The following MEF2A variants were observed in gnomAD, a reference collection of about 807,000 sequenced individuals.
MEF2A encodes the protein myocyte-specific enhancer factor 2A.
A neutral mutation model predicts 55.8 loss-of-function variants in MEF2A; 28 were observed. The ratio of observed to expected loss-of-function variants is 0.50; its 90% CI spans 0.37 to 0.69. The LOEUF (loss-of-function observed/expected upper bound fraction) is 0.69. MEF2A is among the 30% of genes least tolerant of loss of function. The pLI is 0.00. For missense variants in MEF2A, 528 were observed against 626.2 expected, an observed-to-expected ratio of 0.84 and a Z score of 1.67; for synonymous variants, 239 against 227.1, an observed-to-expected ratio of 1.05 and a Z score of -0.47.
intron 2 of MEF2A, among the ~76,000 whole-genome samples, chr15:99,626,159 G>C (rs549818637): frequency 3.3e-5 from 5 of 151,788 alleles, no homozygotes; most frequent in African/African-American, 1.2e-4. Context: ...GCTCTTTTTT[G>C]TTTCTTTGCA....
intron 2 of MEF2A, among the ~76,000 whole-genome samples, chr15:99,628,963 AT>A (rs71149483): frequency 0.22 from 29,175 of 133,606 alleles, 2,925 homozygotes; most frequent in South Asian, 0.31. Context: ...TTTCAGAAGG[AT>A]TTTTTTTTTT....
chr15:99,571,028 T>C (rs1962016240), intron 1 of MEF2A, among the ~76,000 whole-genome samples: 1 of 151,720 alleles, frequency 6.6e-6, no homozygotes, highest in African/African-American at 2.4e-5. Context: ...CCACTAAAAA[T>C]ACAAAAATTA....
At chr15:99,574,758 A>G (rs987457222) in intron 1 of MEF2A, among the ~76,000 whole-genome samples, 7 of 152,200 alleles carry the variant, frequency 4.6e-5, no homozygotes, top group African/African-American at 1.7e-4. Flanking sequence ...GTGTGGCCCC[A>G]TTCCTAACAG....
chr15:99,616,880 C>A (rs1020901172), intron 2 of MEF2A, among the ~76,000 whole-genome samples: 6 of 152,126 alleles, frequency 3.9e-5, no homozygotes, highest in African/African-American at 1.4e-4. Flanking sequence ...GCTAGCAGAA[C>A]CTGTCTGAAA....
At chr15:99,698,430 G>T (rs2056840850) in intron 8 of MEF2A, among the ~76,000 whole-genome samples, 1 of 152,162 alleles carries the variant, frequency 6.6e-6, no homozygotes, top group African/African-American at 2.4e-5. Context: ...AATATTATCA[G>T]GCTTAGGGAA....
intron 2 of MEF2A, among the ~76,000 whole-genome samples, chr15:99,620,008 T>C (rs570327290): frequency 5.3e-5 from 8 of 152,266 alleles, no homozygotes; most frequent in Admixed American, 1.3e-4. Context: ...ATGTTTTTCT[T>C]CTTAACCTTA....
chr15:99,697,499 A>G (rs964241868), intron 8 of MEF2A, among the ~76,000 whole-genome samples: 2 of 152,128 alleles, frequency 1.3e-5, no homozygotes, highest in Non-Finnish European at 2.9e-5. Flanking sequence ...AAGGAAGGAA[A>G]AGAAACATCT....
intron 2 of MEF2A, among the ~76,000 whole-genome samples, chr15:99,618,509 T>C (rs368854990): frequency 6.6e-6 from 1 of 152,230 alleles, no homozygotes; most frequent in Non-Finnish European, 1.5e-5. Context: ...GGCAATGTTA[T>C]ATTTATTGAA....
intron 10 of MEF2A, among the ~76,000 whole-genome samples, chr15:99,707,923 A>G (rs928873935): frequency 6.8e-6 from 1 of 147,750 alleles, no homozygotes; most frequent in African/African-American, 2.6e-5. Context: ...AGAATCAACA[A>G]TAAAAGGTTT....
chr15:99,691,197 CAG>C (rs1287043461), intron 8 of MEF2A, among the ~76,000 whole-genome samples: 5 of 144,846 alleles, frequency 3.5e-5, no homozygotes, highest in Admixed American at 2.8e-4. Flanking sequence ...CCAACAGAGA[CAG>C]AGGGAGGGGG....
chr15:99,651,351 A>G (rs1596808906), intron 4 of MEF2A, among the ~76,000 whole-genome samples: 1 of 152,206 alleles, frequency 6.6e-6, no homozygotes, highest in Non-Finnish European at 1.5e-5. Context: ...ATTTTCTGAC[A>G]GTATCATGAT....
chr15:99,703,194 A>G (rs2057621999), intron 8 of MEF2A, among the ~76,000 whole-genome samples, 168 bp from the exon 9 acceptor site: 1 of 152,250 alleles, frequency 6.6e-6, no homozygotes, highest in African/African-American at 2.4e-5. Context: ...TGAAAACTCA[A>G]CAAGTAGAGA....
At chr15:99,593,791 C>CCGTG (rs1464189105) in intron 1 of MEF2A, among the ~76,000 whole-genome samples, 3 of 152,070 alleles carry the variant, frequency 2.0e-5, no homozygotes, top group African/African-American at 7.2e-5. Flanking sequence ...TTAAGTTGTA[C>CCGTG]CGTGGTATAA....
At position 99,713,076 on chromosome 15, in the gene MEF2A, T is replaced by C; in HGVS notation, c.*305T>C. ...CTACTTGTTTCGTAAAGATAACCAGTTTTTGCAGAGAAACGTGTACCCATA... is the reference window on the plus strand; with the variant it reads ...CTACTTGTTTCGTAAAGATAACCAGCTTTTGCAGAGAAACGTGTACCCATA... On this transcript the variant is annotated 3_prime_UTR_variant, in exon 12 of 12. Transcript: ENST00000557942. 1 of 472,534 alleles carries C rather than the reference T, an allele frequency of 2.1e-6. No homozygotes were observed. Among genetic ancestry groups the C allele is most frequent in the Admixed American group, 3.6e-5 (1 of 27,448 alleles). The allele number at this position is 472,534 out of a possible 1,614,324, so 29.3% of individuals were successfully genotyped here.
At chr15:99,634,738 A>G (rs1189169456) in intron 3 of MEF2A, among the ~76,000 whole-genome samples, 1 of 152,172 alleles carries the variant, frequency 6.6e-6, no homozygotes, top group Non-Finnish European at 1.5e-5. Context: ...AAAGATAGAT[A>G]CTGCCACTAA....
chr15:99,665,879 A>G (rs912962187), intron 4 of MEF2A, among the ~76,000 whole-genome samples: 1 of 152,088 alleles, frequency 6.6e-6, no homozygotes, highest in South Asian at 2.1e-4. Flanking sequence ...AATCAAAACC[A>G]TCATGAGATA....
chr15:99,664,353 C>T (rs1038058678), intron 4 of MEF2A, among the ~76,000 whole-genome samples: 3 of 152,158 alleles, frequency 2.0e-5, no homozygotes, highest in African/African-American at 7.2e-5. Flanking sequence ...TCCTGAAGGC[C>T]GGACACCAGG....
chr15:99,659,517 T>C (rs1381101545), intron 4 of MEF2A, among the ~76,000 whole-genome samples: 1 of 152,178 alleles, frequency 6.6e-6, no homozygotes, highest in Non-Finnish European at 1.5e-5. Context: ...AAGTTGTTCC[T>C]GATTACAGCT....
chr15:99,590,355 T>G (rs1968843122), intron 1 of MEF2A, among the ~76,000 whole-genome samples: 1 of 94,926 alleles, frequency 1.1e-5, no homozygotes, highest in Non-Finnish European at 2.7e-5. Context: ...CTGTGTTAAT[T>G]TAAAGTGATA....
Sources: allele counts gnomAD v4.1 joint callset (sites outside exome capture counted in the v4.1 genomes callset), GRCh38; gene constraint gnomAD v4.1.1; transcripts MANE v1.5; gene names NCBI Gene and HGNC (gene_info 2026-07-23, HGNC 2026-07-21).